REST: variants seen among roughly 807,000 people sequenced by gnomAD.
REST encodes RE1-silencing transcription factor.
Under a neutral mutation model 30.4 loss-of-function variants are expected in REST, and 1 was observed. The observed-to-expected ratio is 0.03, with a 90% CI of 0.01 to 0.16. The LOEUF is 0.16. Among genes scored for constraint, REST ranks in the 10% least tolerant of loss-of-function variants. The pLI is 1.00. For synonymous variants in REST, 504 were observed against 451.1 expected (o/e 1.12, Z -1.49); for missense variants, 1,259 against 1,329.5 (o/e 0.95, Z 0.82).
chr4:56,911,502 A>G lies in REST; in HGVS notation c.864A>G (p.Lys288=). 1 of 1,614,050 alleles carries G rather than the reference A, an allele frequency of 6.2e-7. No individual in the cohort carries two copies. The highest frequency in any genetic ancestry group is 8.5e-7 in the Non-Finnish European group (1 of 1,179,914). Residue 288 remains lysine (K), a synonymous_variant, in exon 2 of 4, where the codon AAA becomes AAG. Transcript: ENST00000309042. Reference sequence around the variant, plus strand: ...AATGCAACTATTTTTCAGACAGAAAAAACAATTATGTTCAGCATGTTAGAA... The same window carrying G: ...AATGCAACTATTTTTCAGACAGAAAGAACAATTATGTTCAGCATGTTAGAA... The part of the protein sequence containing the change: ...CGKCNYFSDR[K]NNYVQHVRTH...
intron 3 of REST, chr4:56,927,810 T>C (rs1301708034): frequency 5.6e-6 from 1 of 178,676 alleles, no homozygotes; most frequent in Non-Finnish European, 1.2e-5. Context: ...AGTTCCTTTA[T>C]GTATTTTATA....
Position 56,931,472 on chromosome 4 carries a change from T to G in REST, c.2614T>G (p.Leu872Val). The G allele has an allele frequency of 1.9e-6, 3 of 1,614,096 alleles. No homozygotes were observed. The highest frequency in any genetic ancestry group is 2.5e-6 in the Non-Finnish European group (3 of 1,180,022). Residue 872 changes from leucine to valine, a missense_variant, in exon 4 of 4, where the codon TTA (leucine) becomes GTA (valine). Around this residue, in one of 5 missense-constraint regions of REST, gnomAD observed 856 missense variants for 772.8 expected, o/e 1.11. Transcript: ENST00000309042. ...ATCACCACCACTGCCAAAGGAAAATTTAAGAGAAGAGGCATCAGGAGACCA... is the reference window on the plus strand; with the variant it reads ...ATCACCACCACTGCCAAAGGAAAATGTAAGAGAAGAGGCATCAGGAGACCA... ...PPSPPLPKEN[L>V]REEASGDQKL...
chr4:56,931,078 C>G lies in REST; in HGVS notation c.2220C>G (p.Val740=). The G allele has an allele frequency of 3.6e-6, 5 of 1,385,420 alleles. No homozygotes were observed. The highest frequency in any genetic ancestry group is 5.0e-6 in the Non-Finnish European group (5 of 1,001,538). 85.8% of individuals were successfully genotyped at this position (1,385,420 alleles called of 1,614,324 possible). A position where few individuals can be genotyped will look rare whatever the true frequency, so the allele number is the denominator to read the frequency against. The stretch of plus-strand genomic sequence containing the variant: ...AGCTGTCTCCTCCCATGGAGGTGGT[C>G]CAGAAGGAGCCTGTTCAGATAGAGC... ...QMELSPPMEV[V]QKEPVQIELS... is the part of the protein sequence containing the mutation. The change falls in exon 4 of 4, where the codon GTC becomes GTG. Residue 740 remains valine (V), a synonymous_variant. Transcript: ENST00000309042.
rs1401105805 is a variant in REST at position 56,934,942 on chromosome 4, C to T, written c.*2790C>T. The T allele has an allele frequency of 2.0e-5, 3 of 147,222 alleles. No homozygotes were observed. Among genetic ancestry groups the T allele is most frequent in the East Asian group, 3.9e-4 (2 of 5,090 alleles). 9.1% of individuals were successfully genotyped at this position (147,222 alleles called of 1,614,324 possible). On this transcript the variant is annotated 3_prime_UTR_variant, in exon 4 of 4. Transcript: ENST00000309042. The stretch of plus-strand genomic sequence containing the variant: ...GATATTTTAAGTTATATTTTTTCCT[C>T]TTTTCAGAGCTGCTTCTTATTCTGG...
At chr4:56,926,294 C>T (rs1720708536) in intron 3 of REST, among the ~76,000 whole-genome samples, 1 of 152,022 alleles carries the variant, frequency 6.6e-6, no homozygotes, top group Admixed American at 6.6e-5. Context: ...CTCCTGGTCT[C>T]CAACTCCTGA....
In REST at chr4:56,908,049, A is replaced by G; in HGVS notation, c.-174A>G. 2 of 348,392 alleles carry G rather than the reference A, an allele frequency of 5.7e-6. No individual in the cohort carries two copies. Among genetic ancestry groups the G allele is most frequent in the South Asian group, 1.4e-4 (1 of 7,290 alleles). 21.6% of individuals were successfully genotyped at this position (348,392 alleles called of 1,614,324 possible). On this transcript the variant is annotated 5_prime_UTR_variant, in exon 1 of 4. Coordinates refer to ENST00000309042, the MANE Select transcript of REST (RefSeq NM_005612.5). ...CAGGGCGAGGCCCGGAGGCCTGAGC[A>G]CCCTCTGCAGCCCCACTCCTGGGCC...
At chr4:56,911,723 A>G in intron 2 of REST, 187 bp downstream of exon 2, 2 of 593,862 alleles carry the variant, frequency 3.4e-6, no homozygotes, top group East Asian at 2.8e-5. Context: ...AACAATATCT[A>G]GGTTGGGAGG....
At position 56,931,473 on chromosome 4, in the gene REST, T is replaced by A; in HGVS notation, c.2615T>A (p.Leu872Ter). ...PPSPPLPKEN[L>*]REEASGDQKL... ...TCACCACCACTGCCAAAGGAAAATT[T>A]AAGAGAAGAGGCATCAGGAGACCAA... Residue 872 changes from leucine (L) to a stop codon, truncating the protein, a stop_gained, in exon 4 of 4, where the codon TTA becomes TAA. Coordinates refer to ENST00000309042, the MANE Select transcript of REST (RefSeq NM_005612.5). LOFTEE classifies it low-confidence loss of function (END_TRUNC). The A allele has an allele frequency of 6.2e-7, 1 of 1,614,180 alleles. No individual in the cohort carries two copies. Among genetic ancestry groups the A allele is most frequent in the Non-Finnish European group, 8.5e-7 (1 of 1,180,032 alleles).
Position 56,910,752 on chromosome 4 carries a change from A to G in REST, c.114A>G (p.Lys38=). ...NDMYDLHDLS[K]AELAAPQLIM... The stretch of plus-strand genomic sequence containing the variant: ...TGTATGACTTGCATGACCTTTCCAA[A>G]GCTGAACTGGCCGCACCTCAGCTTA... The change falls in exon 2 of 4, where the codon AAA becomes AAG. Residue 38 remains lysine, a synonymous_variant. Transcript: ENST00000309042. The G allele has an allele frequency of 6.2e-7, 1 of 1,614,206 alleles. No homozygotes were observed. The highest frequency in any genetic ancestry group is 1.1e-5 in the South Asian group (1 of 91,086).
At chr4:56,908,752 C>T (rs1215053846) in intron 1 of REST, among the ~76,000 whole-genome samples, 1 of 151,858 alleles carries the variant, frequency 6.6e-6, no homozygotes, top group Non-Finnish European at 1.5e-5. Context: ...ACAGCGATTT[C>T]TGCGCTTCAG....
intron 3 of REST, among the ~76,000 whole-genome samples, chr4:56,922,684 A>G (rs554525965): frequency 6.6e-6 from 1 of 152,106 alleles, no homozygotes; most frequent in African/African-American, 2.4e-5. Flanking sequence ...TATTATCCCC[A>G]TTTTACAGTT....
rs575170084 is a variant in REST, at chr4:56,930,311, G to A, written c.1453G>A (p.Val485Met). 46 of 1,614,090 alleles carry A rather than the reference G, an allele frequency of 2.8e-5. No individual in the cohort carries two copies. In the East Asian group the frequency reaches 9.1e-4, roughly 32 times the overall value. The change falls in exon 4 of 4, where the codon GTG (valine) becomes ATG (methionine). Residue 485 changes from valine to methionine, a missense_variant. By Grantham distance (21) the Val-to-Met change is conservative (BLOSUM62 1). Around this residue, in one of 5 missense-constraint regions of REST, gnomAD observed 856 missense variants for 772.8 expected, o/e 1.11. Coordinates refer to ENST00000309042, the MANE Select transcript of REST (RefSeq NM_005612.5). The part of the protein sequence containing the change: ...KEKKPSNNVS[V>M]IQVTTRTRKS... ...GAAAAAGCCTTCTAATAATGTGTCAGTGATCCAGGTGACTACCAGAACTCG... is the reference window on the plus strand; with the variant it reads ...GAAAAAGCCTTCTAATAATGTGTCAATGATCCAGGTGACTACCAGAACTCG...
chr4:56,931,857 A>G lies in REST; in HGVS notation c.2999A>G (p.Asn1000Ser), dbSNP rs772963466. Reference sequence around the variant, plus strand: ...TCACCTCCTGCTACAATGGCAGCAAATGAGTCTCAGGAAATTGATGAAGAT... The same window carrying G: ...TCACCTCCTGCTACAATGGCAGCAAGTGAGTCTCAGGAAATTGATGAAGAT... ...LASPPATMAANESQEIDEDEG... is the reference protein window; with the variant it reads ...LASPPATMAASESQEIDEDEG... Residue 1000 changes from asparagine (N) to serine (S), a missense_variant, in exon 4 of 4, where the codon AAT becomes AGT. Physicochemically the swap from Asn to Ser is conservative, Grantham distance 46. Transcript: ENST00000309042. The G allele has an allele frequency of 6.2e-7, 1 of 1,614,184 alleles. No individual in the cohort carries two copies. Among genetic ancestry groups the G allele is most frequent in the Non-Finnish European group, 8.5e-7 (1 of 1,180,034 alleles).
At chr4:56,915,210 C>T (rs948232094) in intron 2 of REST, among the ~76,000 whole-genome samples, 1 of 147,630 alleles carries the variant, frequency 6.8e-6, no homozygotes, top group Non-Finnish European at 1.5e-5. Flanking sequence ...GCCACCACGC[C>T]TGGCCAATTT....
chr4:56,927,699 C>T, intron 3 of REST: 1 of 1,065,020 alleles, frequency 9.4e-7, no homozygotes, highest in Non-Finnish European at 1.2e-6. Context: ...ACTCTTATGC[C>T]TTTAATTTGG....
intron 3 of REST, among the ~76,000 whole-genome samples, chr4:56,928,905 T>A (rs1204164770): frequency 6.6e-6 from 1 of 151,456 alleles, no homozygotes; most frequent in East Asian, 2.0e-4. Flanking sequence ...TTTTATGTAT[T>A]GATTTATTTT....
rs1421664296 is a variant in REST, at chr4:56,907,941, C to G, written c.-282C>G. ...CCTGTGTTGGAATGTGCGGCTGCCGCGAGCTCGCGGCGCAGCAGCGGAGCG... is the reference window on the plus strand; with the variant it reads ...CCTGTGTTGGAATGTGCGGCTGCCGGGAGCTCGCGGCGCAGCAGCGGAGCG... On this transcript the variant is annotated 5_prime_UTR_variant, in exon 1 of 4. Coordinates refer to ENST00000309042, the MANE Select transcript of REST (RefSeq NM_005612.5). The G allele has an allele frequency of 3.5e-5, 11 of 313,560 alleles. No homozygotes were observed. Among genetic ancestry groups the G allele is most frequent in the African/African-American group, 2.4e-4 (11 of 44,912 alleles). The allele number at this position is 313,560 out of a possible 1,614,324, so 19.4% of individuals were successfully genotyped here. A position where few individuals can be genotyped will look rare whatever the true frequency, so the allele number is the denominator to read the frequency against.
intron 3 of REST, among the ~76,000 whole-genome samples, chr4:56,925,886 C>A (rs894200653): frequency 2.0e-5 from 3 of 152,128 alleles, no homozygotes; most frequent in Non-Finnish European, 4.4e-5. Context: ...TGGACCCTCG[C>A]ACCTTGATGG....
intron 2 of REST, among the ~76,000 whole-genome samples, chr4:56,912,515 G>C (rs926367408): frequency 4.0e-5 from 6 of 150,994 alleles, no homozygotes; most frequent in African/African-American, 1.5e-4. Flanking sequence ...CACCGTGCCT[G>C]GCTAATTTTT....
Sources: allele counts gnomAD v4.1 joint callset (sites outside exome capture counted in the v4.1 genomes callset), GRCh38; gene constraint gnomAD v4.1.1; regional missense constraint gnomAD v4.1.1; transcripts MANE v1.5; gene names NCBI Gene and HGNC (gene_info 2026-07-23, HGNC 2026-07-21).